PDE1C: variants seen among roughly 807,000 people sequenced by gnomAD.
The protein encoded by PDE1C is phosphodiesterase 1C.
PDE1C carries 62 observed loss-of-function variants against 93.1 expected under a neutral mutation model. That is an observed-to-expected ratio of 0.67 (90% CI 0.54 to 0.82). PDE1C has a LOEUF of 0.82. PDE1C is among the 40% of genes least tolerant of loss of function. The pLI, the probability that PDE1C is intolerant of heterozygous loss-of-function variation, is 0.00. For missense variants in PDE1C, 742 were observed against 884.6 expected (o/e 0.84, Z 2.04); for synonymous variants, 325 against 310.1 (o/e 1.05, Z -0.50).
intron 1 of PDE1C, among the ~76,000 whole-genome samples, chr7:32,272,238 G>C (rs1035615719): frequency 9.9e-5 from 15 of 152,236 alleles, no homozygotes; most frequent in Non-Finnish European, 2.2e-4. Flanking sequence ...CCCAGACTCA[G>C]TGGTAGCCCT....
At chr7:31,687,689 T>C in the PDE1C span, among the ~76,000 whole-genome samples, 4 of 152,342 alleles carry the variant, frequency 2.6e-5, no homozygotes, top group East Asian at 3.9e-4. Flanking sequence ...ACTGCCAATT[T>C]AGGTTTTCTA....
At chr7:32,362,514 T>C (rs781262271) in intron 1 of PDE1C, among the ~76,000 whole-genome samples, 1 of 152,180 alleles carries the variant, frequency 6.6e-6, no homozygotes, top group Non-Finnish European at 1.5e-5. Flanking sequence ...GTCTCAATTC[T>C]GCTGGATATT....
chr7:31,655,081 C>A, the PDE1C span, among the ~76,000 whole-genome samples: 1 of 152,156 alleles, frequency 6.6e-6, no homozygotes, highest in South Asian at 2.1e-4. Flanking sequence ...CCCTGATTCC[C>A]AGCTCTCTCC....
intron 3 of PDE1C, among the ~76,000 whole-genome samples, chr7:32,110,896 C>CA (rs2128755492): frequency 6.6e-6 from 1 of 152,260 alleles, no homozygotes; most frequent in African/African-American, 2.4e-5. Context: ...CATACTCTCA[C>CA]ATTGAACACA....
At chr7:32,117,837 A>G (rs1799068649) in intron 3 of PDE1C, among the ~76,000 whole-genome samples, 1 of 152,182 alleles carries the variant, frequency 6.6e-6, no homozygotes, top group Admixed American at 6.5e-5. Flanking sequence ...CGTACTTTTA[A>G]TTTAAAGGTT....
At chr7:31,822,427 T>C (rs554153674) in intron 14 of PDE1C, among the ~76,000 whole-genome samples, 3 of 152,234 alleles carry the variant, frequency 2.0e-5, no homozygotes, top group South Asian at 4.2e-4. Context: ...TAGTCACAAA[T>C]GCACATATGA....
intron 3 of PDE1C, among the ~76,000 whole-genome samples, chr7:32,100,941 C>G (rs1288951318): frequency 6.6e-6 from 1 of 152,154 alleles, no homozygotes; most frequent in African/African-American, 2.4e-5. Context: ...AATACAACTA[C>G]TGGAATTTCC....
At chr7:31,788,283 C>G (rs1047881269) in intron 16 of PDE1C, 13 of 152,026 alleles carry the variant, frequency 8.6e-5, no homozygotes, top group African/African-American at 2.9e-4. Flanking sequence ...AATTGACATA[C>G]TCTTGGTTAT....
At chr7:32,397,590 A>G (rs904886351) in intron 1 of PDE1C, among the ~76,000 whole-genome samples, 2 of 152,340 alleles carry the variant, frequency 1.3e-5, no homozygotes, top group South Asian at 4.1e-4. Flanking sequence ...CCTCCAAACT[A>G]TATGAAAATA....
At chr7:32,144,708 G>A (rs1800729806) in intron 3 of PDE1C, among the ~76,000 whole-genome samples, 1 of 152,208 alleles carries the variant, frequency 6.6e-6, no homozygotes, top group Non-Finnish European at 1.5e-5. Context: ...AGGGGTGAGA[G>A]GGCGGGAGCA....
At chr7:31,898,245 T>C (rs1464103436) in intron 2 of PDE1C, among the ~76,000 whole-genome samples, 1 of 152,122 alleles carries the variant, frequency 6.6e-6, no homozygotes, top group Non-Finnish European at 1.5e-5. Context: ...TCTATGGTTA[T>C]TGTGGGAAAT....
At chr7:32,005,578 A>ACAAAAAAAAAC (rs1554461618) in intron 2 of PDE1C, among the ~76,000 whole-genome samples, 1 of 103,716 alleles carries the variant, frequency 9.6e-6, no homozygotes, top group Non-Finnish European at 2.0e-5. Context: ...AAAAAAAAAA[A>ACAAAAAAAAAC]AAAGAATTGT....
intron 2 of PDE1C, among the ~76,000 whole-genome samples, chr7:32,002,057 T>C (rs1328332421): frequency 6.6e-6 from 1 of 152,058 alleles, no homozygotes; most frequent in Non-Finnish European, 1.5e-5. Flanking sequence ...AGACTCTGTC[T>C]CAAAACAACA....
chr7:32,071,475 T>TTCCCTCCC, upstream of PDE1C: 2 of 895,740 alleles, frequency 2.2e-6, no homozygotes, highest in Non-Finnish European at 2.7e-6. Context: ...TCCTCCCTCA[T>TTCCCTCCC]TCCCTCCCTC....
At chr7:32,051,794 G>T (rs2128688423) in intron 1 of PDE1C, among the ~76,000 whole-genome samples, 1 of 152,208 alleles carries the variant, frequency 6.6e-6, no homozygotes, top group Admixed American at 6.5e-5. Flanking sequence ...GTAAAAAATA[G>T]CATCCCAAGA....
the PDE1C span, among the ~76,000 whole-genome samples, chr7:31,694,764 C>T: frequency 2.0e-5 from 3 of 152,082 alleles, no homozygotes; most frequent in Middle Eastern, 3.4e-3. Context: ...ATGGGCAGGG[C>T]GTGATCAGAT....
the PDE1C span, among the ~76,000 whole-genome samples, chr7:31,681,382 T>TGGAC: frequency 9.6e-4 from 137 of 143,136 alleles, no homozygotes; most frequent in African/African-American, 3.7e-3. Context: ...GATGGATGGA[T>TGGAC]GGATGGATGG....
At chr7:31,651,287 C>G in the PDE1C span, 1 of 1,609,722 alleles carries the variant, frequency 6.2e-7, no homozygotes, top group Admixed American at 1.7e-5. Flanking sequence ...CCTAAGGGAG[C>G]CATAAAAGTA....
At chr7:31,730,911 A>G in the PDE1C span, among the ~76,000 whole-genome samples, 1 of 152,090 alleles carries the variant, frequency 6.6e-6, no homozygotes, top group African/African-American at 2.4e-5. Context: ...AGACAAAGGA[A>G]GCAACAAAAA....
Sources: allele counts gnomAD v4.1 joint callset (sites outside exome capture counted in the v4.1 genomes callset), GRCh38; gene constraint gnomAD v4.1.1; transcripts MANE v1.5; gene names NCBI Gene and HGNC (gene_info 2026-07-23, HGNC 2026-07-21).